GBE1: variants seen among roughly 807,000 people sequenced by gnomAD.
GBE1 encodes the protein 1,4-alpha-glucan branching enzyme 1.
Under a neutral mutation model 88.8 loss-of-function variants are expected in GBE1, and 70 were observed. The observed-to-expected ratio is 0.79, with a 90% confidence interval of 0.65 to 0.96. The LOEUF (loss-of-function observed/expected upper bound fraction) is 0.96, where lower values mean the gene tolerates loss of function less well. GBE1 is among the 40% of genes least tolerant of loss of function. The pLI, the probability that GBE1 is intolerant of heterozygous loss-of-function variation, is 0.00. For synonymous variants in GBE1, 284 were observed against 300.1 expected (o/e 0.95, Z 0.56); for missense variants, 872 against 871.0 (o/e 1.00, Z -0.01).
rs1576157751 is a variant in GBE1 at position 81,581,269 on chromosome 3, T to A, written c.1342A>T (p.Lys448Ter). 6.4e-7 allele frequency: 1 copy of A among 1,554,304 alleles called. No homozygotes were observed. The highest frequency in any genetic ancestry group is 8.8e-7 in the Non-Finnish European group (1 of 1,142,352). Residue 448 changes from lysine (K) to a stop codon, truncating the protein, a stop_gained, in exon 11 of 16, where the codon AAA (lysine) becomes TAA (stop). Coordinates refer to ENST00000429644, the MANE Select transcript of GBE1 (RefSeq NM_000158.4). LOFTEE classifies it high-confidence loss of function. ...AIPDKWIQLL[K>*]EFKDEDWNMG... ...TTCCAGTCTTCATCTTTAAACTCTT[T>A]AAGTAGCTAGACACAAGAGAGAAAA... is the stretch of plus-strand genomic sequence containing the variant.
At chr3:81,750,605 A>ATATATATATGTG (rs1706500524) in intron 1 of GBE1, among the ~76,000 whole-genome samples, 1 of 35,540 alleles carries the variant, frequency 2.8e-5, no homozygotes, top group Non-Finnish European at 5.2e-5. Flanking sequence ...ATATATGTGT[A>ATATATATATGTG]TATATATATA....
At chr3:81,671,565 A>G (rs1443587115) in intron 2 of GBE1, among the ~76,000 whole-genome samples, 1 of 152,156 alleles carries the variant, frequency 6.6e-6, no homozygotes, top group Non-Finnish European at 1.5e-5. Context: ...ACCAGTGAGT[A>G]AAGGACACAC....
intron 2 of GBE1, among the ~76,000 whole-genome samples, chr3:81,679,969 C>T (rs2107128455): frequency 6.6e-6 from 1 of 152,336 alleles, no homozygotes; most frequent in African/African-American, 2.4e-5. Context: ...TGAAATGCCT[C>T]TATCTGGCCG....
At chr3:81,756,513 G>C (rs1333359147) in intron 1 of GBE1, among the ~76,000 whole-genome samples, 1 of 152,110 alleles carries the variant, frequency 6.6e-6, no homozygotes. Context: ...AAATAATATA[G>C]ACATAGTACC....
At chr3:81,687,450 C>T (rs893125984) in intron 2 of GBE1, among the ~76,000 whole-genome samples, 16 of 152,190 alleles carry the variant, frequency 1.1e-4, no homozygotes, top group African/African-American at 3.9e-4. Context: ...ATTGGGAAGT[C>T]GAAAATTTTC....
intron 1 of GBE1, among the ~76,000 whole-genome samples, chr3:81,712,860 ATG>A (rs1315149780): frequency 2.0e-5 from 3 of 152,282 alleles, no homozygotes; most frequent in Non-Finnish European, 2.9e-5. Context: ...AAAAGACTGC[ATG>A]TGTCTCACAG....
At chr3:81,726,031 TA>T (rs1440983348) in intron 1 of GBE1, among the ~76,000 whole-genome samples, 1 of 151,918 alleles carries the variant, frequency 6.6e-6, no homozygotes, top group African/African-American at 2.4e-5. Context: ...AAAGGTTACT[TA>T]AACTGATAAT....
chr3:81,705,448 A>C lies in GBE1; in HGVS notation c.309T>G (p.Asp103Glu). 2 of 1,580,706 alleles carry C rather than the reference A, an allele frequency of 1.3e-6. No homozygotes were observed. Among genetic ancestry groups the C allele is most frequent in the African/African-American group, 2.7e-5 (2 of 73,816 alleles). Residue 103 changes from aspartate to glutamate, a missense_variant, in exon 2 of 16, where the codon GAT becomes GAG. By Grantham distance (45) the Asp-to-Glu change is conservative. Coordinates refer to ENST00000429644, the MANE Select transcript of GBE1 (RefSeq NM_000158.4). The part of the protein sequence containing the change: ...PGAEGVFLTG[D>E]FNGWNPFSYP... ...TCAATGCTTTCAAGTACTTACTAAA[A>C]TCTCCAGTAAGAAAAACTCCTTCTG... is the stretch of plus-strand genomic sequence containing the variant.
intron 14 of GBE1, among the ~76,000 whole-genome samples, chr3:81,518,116 A>C (rs1186589140): frequency 1.3e-5 from 2 of 151,458 alleles, no homozygotes; most frequent in Non-Finnish European, 3.0e-5. Flanking sequence ...AATGAAGGAT[A>C]CTATTACTAG....
chr3:81,683,208 C>A (rs946744803), intron 2 of GBE1, among the ~76,000 whole-genome samples: 5 of 152,116 alleles, frequency 3.3e-5, no homozygotes, highest in Non-Finnish European at 7.4e-5. Flanking sequence ...TCAAATTGTA[C>A]ACTTTAAAAT....
chr3:81,754,281 A>G (rs533343562), intron 1 of GBE1, among the ~76,000 whole-genome samples: 1 of 152,242 alleles, frequency 6.6e-6, no homozygotes, highest in African/African-American at 2.4e-5. Flanking sequence ...CAAGGAAAAC[A>G]ATAAAACTCT....
chr3:81,636,094 T>C (rs2107045541), intron 7 of GBE1, among the ~76,000 whole-genome samples: 1 of 152,306 alleles, frequency 6.6e-6, no homozygotes, highest in South Asian at 2.1e-4. Context: ...CTAGACTGAG[T>C]AATCTCATAA....
intron 6 of GBE1, 92 bp from the exon 7 acceptor site, chr3:81,643,082 G>GAA: frequency 1.2e-6 from 1 of 826,584 alleles, no homozygotes; most frequent in Non-Finnish European, 2.0e-6. Flanking sequence ...CGCAGTACTA[G>GAA]ATACTTTAAA....
chr3:81,635,987 G>A (rs1704587016), intron 7 of GBE1, among the ~76,000 whole-genome samples: 1 of 152,060 alleles, frequency 6.6e-6, no homozygotes, highest in South Asian at 2.1e-4. Context: ...AGGCTTGTGG[G>A]GAATAAACGA....
At chr3:81,640,695 T>C (rs962949747) in intron 7 of GBE1, among the ~76,000 whole-genome samples, 5 of 151,886 alleles carry the variant, frequency 3.3e-5, no homozygotes, top group African/African-American at 1.2e-4. Context: ...TAAACCTATA[T>C]AGAAAATACT....
At chr3:81,521,492 A>C (rs1276837729) in intron 14 of GBE1, among the ~76,000 whole-genome samples, 1 of 151,580 alleles carries the variant, frequency 6.6e-6, no homozygotes, top group East Asian at 1.9e-4. Flanking sequence ...TGTATATCTG[A>C]ATTCATTCTA....
intron 4 of GBE1, 67 bp downstream of exon 4, chr3:81,649,728 TA>T: frequency 7.4e-7 from 1 of 1,356,786 alleles, no homozygotes; most frequent in Non-Finnish European, 1.0e-6. Flanking sequence ...ATAAAAGTTA[TA>T]AAAGTAAAAA....
rs376560081 is a variant in GBE1, at chr3:81,607,832, TAA to T, written c.993-13811_993-13810del. ...TTTTCTAATTGAATTTCCCAACACTTAAGTTTTATTTTAATTCAACTTTTATG... is the reference window on the plus strand; with the variant it reads ...TTTTCTAATTGAATTTCCCAACACTTGTTTTATTTTAATTCAACTTTTATG... On this transcript the variant is annotated intron_variant, in intron 7 of 15. Coordinates refer to ENST00000429644, the MANE Select transcript of GBE1 (RefSeq NM_000158.4). 7.2e-5 allele frequency among the ~76,000 whole-genome samples: 11 copies of T among 152,316 alleles called. 1 individual carries two copies. Among genetic ancestry groups the T allele is most frequent in the African/African-American group, 1.9e-4 (8 of 41,576 alleles).
rs1371515466 is a variant in GBE1 at position 81,573,977 on chromosome 3, GA to G, written c.1618+3947del. 5.9e-5 allele frequency among the ~76,000 whole-genome samples: 9 copies of G among 152,124 alleles called. No individual in the cohort carries two copies. In the East Asian group the frequency reaches 1.7e-3, roughly 29 times the overall value. On this transcript the variant is annotated intron_variant, in intron 12 of 15. Coordinates refer to ENST00000429644, the MANE Select transcript of GBE1 (RefSeq NM_000158.4). ...TAAAAACAAATTGAGGCAACCCTCA[GA>G]CTTCCTCACACATGAAAGCTAAGGC...
Sources: allele counts gnomAD v4.1 joint callset (sites outside exome capture counted in the v4.1 genomes callset), GRCh38; gene constraint gnomAD v4.1.1; transcripts MANE v1.5; gene names NCBI Gene and HGNC (gene_info 2026-07-23, HGNC 2026-07-21).